Variants in PSD2 observed in about 807,000 individuals in gnomAD.
PSD2 encodes the protein PH and SEC7 domain-containing protein 2.
In PSD2, 38 loss-of-function variants were observed where a neutral mutation model predicts 69.8. The ratio of observed to expected loss-of-function variants is 0.54; its 90% confidence interval spans 0.42 to 0.71. The LOEUF (loss-of-function observed/expected upper bound fraction) is 0.71. PSD2 is among the 30% of genes least tolerant of loss of function. The pLI, the probability that PSD2 is intolerant of heterozygous loss-of-function variation, is 0.00. For synonymous variants in PSD2, 412 were observed against 423.0 expected (o/e 0.97, Z 0.32); for missense variants, 943 against 1,014.5 (o/e 0.93, Z 0.96).
In PSD2 at chr5:139,842,654, C is replaced by T. The variant is rs1417186197; in HGVS notation, c.*180C>T. On this transcript the variant is annotated 3_prime_UTR_variant, in exon 15 of 15. Transcript: ENST00000274710. Reference sequence around the variant, plus strand: ...GTTTGTGGCGTTGATCTCCTTGCGTCCTTGGGCATCTCCGGGCATCAGACC... The same window carrying T: ...GTTTGTGGCGTTGATCTCCTTGCGTTCTTGGGCATCTCCGGGCATCAGACC... The T allele has an allele frequency of 5.0e-6, 3 of 603,120 alleles. No individual in the cohort carries two copies. The highest frequency in any genetic ancestry group is 8.8e-6 in the Non-Finnish European group (3 of 341,838). The allele number at this position is 603,120 out of a possible 1,614,324, so 37.4% of individuals were successfully genotyped here. A position where few individuals can be genotyped will look rare whatever the true frequency, so the allele number is the denominator to read the frequency against.
chr5:139,838,889 C>T (rs750395135), intron 13 of PSD2, 117 bp downstream of exon 13: 26 of 1,136,632 alleles, frequency 2.3e-5, no homozygotes, highest in Non-Finnish European at 3.0e-5. Context: ...GGCTGAAGGA[C>T]ACCAGAGAAG....
Position 139,814,430 on chromosome 5 carries a change from T to A in PSD2, c.1016+66T>A. Reference sequence around the variant, plus strand: ...CGTGTCTTCCTCAACCTGAAGAGGGTGTGGGTGACCTTCTTCAGGGGTGCC... The same window carrying A: ...CGTGTCTTCCTCAACCTGAAGAGGGAGTGGGTGACCTTCTTCAGGGGTGCC... On this transcript the variant is annotated intron_variant, in intron 4 of 14. Transcript: ENST00000274710. This position sits in a 1 kb window ranked among gnomAD's most constrained non-coding sequence, Gnocchi z 4.4. 1 of 1,450,214 alleles carries A rather than the reference T, an allele frequency of 6.9e-7. No homozygotes were observed. Among genetic ancestry groups the A allele is most frequent in the African/African-American group, 1.4e-5 (1 of 69,248 alleles). 89.8% of individuals were successfully genotyped at this position (1,450,214 alleles called of 1,614,324 possible).
At chr5:139,824,749 T>C (rs1760373063) in intron 7 of PSD2, among the ~76,000 whole-genome samples, 1 of 152,130 alleles carries the variant, frequency 6.6e-6, no homozygotes, top group South Asian at 2.1e-4. Flanking sequence ...GAATGTGAAG[T>C]AAAGCTCGTA....
At chr5:139,818,513 T>C (rs1303250544) in intron 5 of PSD2, among the ~76,000 whole-genome samples, 1 of 152,110 alleles carries the variant, frequency 6.6e-6, no homozygotes, top group Non-Finnish European at 1.5e-5. Context: ...ACCACTGCAC[T>C]CCAGCCTGGG....
chr5:139,756,181 C>G, the PSD2 span, among the ~76,000 whole-genome samples: 2 of 152,194 alleles, frequency 1.3e-5, no homozygotes, highest in Non-Finnish European at 2.9e-5. Context: ...TTTCTCCCCC[C>G]TCTTCCTTTT....
At chr5:139,799,264 C>G (rs1759606894) in intron 1 of PSD2, among the ~76,000 whole-genome samples, 1 of 152,136 alleles carries the variant, frequency 6.6e-6, no homozygotes, top group Non-Finnish European at 1.5e-5. Context: ...ATCTGCGCAC[C>G]AGGTCAGCAA....
chr5:139,818,010 A>G (rs1266723238), intron 5 of PSD2, among the ~76,000 whole-genome samples: 4 of 152,258 alleles, frequency 2.6e-5, no homozygotes, highest in East Asian at 3.9e-4. Flanking sequence ...TCTCAACTCT[A>G]TTGGTGTTTG....
At chr5:139,840,263 T>C (rs939781500) in intron 14 of PSD2, 93 bp downstream of exon 14, 3 of 1,393,852 alleles carry the variant, frequency 2.2e-6, no homozygotes, top group African/African-American at 2.9e-5. Context: ...TGAAGCCTAG[T>C]GATAAAGGGG....
At chr5:139,746,758 C>T in the PSD2 span, among the ~76,000 whole-genome samples, 9 of 152,200 alleles carry the variant, frequency 5.9e-5, no homozygotes, top group Admixed American at 1.3e-4. The surrounding 1 kb of genome is among the most constrained non-coding windows in gnomAD (Gnocchi z 4.5). Flanking sequence ...CACGGCTCCC[C>T]AACCCCGCCA....
intron 7 of PSD2, among the ~76,000 whole-genome samples, chr5:139,823,805 G>A (rs1000597659): frequency 1.5e-4 from 23 of 152,162 alleles, no homozygotes; most frequent in African/African-American, 5.3e-4. Context: ...TGTGAAAATC[G>A]AACCAAGGGC....
chr5:139,769,082 G>A, the PSD2 span, among the ~76,000 whole-genome samples: 1 of 152,130 alleles, frequency 6.6e-6, no homozygotes, highest in African/African-American at 2.4e-5. Flanking sequence ...GAGAAGCACA[G>A]GGCCTGTGAC....
the PSD2 span, among the ~76,000 whole-genome samples, chr5:139,781,675 C>G: frequency 1.3e-5 from 2 of 151,068 alleles, no homozygotes; most frequent in Admixed American, 1.3e-4. Flanking sequence ...ACTCTGTTGC[C>G]CAGGCTGGAG....
the PSD2 span, among the ~76,000 whole-genome samples, chr5:139,785,040 T>C: frequency 6.6e-6 from 1 of 152,236 alleles, no homozygotes; most frequent in East Asian, 1.9e-4. Context: ...ATTACAGGCG[T>C]GAGCCACCTC....
chr5:139,800,276 C>T (rs1759639500), intron 1 of PSD2, among the ~76,000 whole-genome samples: 1 of 152,266 alleles, frequency 6.6e-6, no homozygotes, highest in Non-Finnish European at 1.5e-5. Context: ...CTGAATGGGG[C>T]TGAGCAAAAC....
the PSD2 span, among the ~76,000 whole-genome samples, chr5:139,777,286 T>A: frequency 6.6e-6 from 1 of 152,230 alleles, no homozygotes; most frequent in African/African-American, 2.4e-5. Context: ...AAGTAAAAAA[T>A]ATGCACAAGG....
rs79149425 is a variant in PSD2 at position 139,839,661 on chromosome 5, G to A, written c.1969-366G>A. Among the ~76,000 whole-genome samples the A allele has an allele frequency of 0.02, 3,041 of 152,348 alleles. 112 individuals are homozygous for A. The highest frequency in any genetic ancestry group is 0.069 in the African/African-American group (2,854 of 41,566). ...AGCGGGGCCAGGCTGGCCTTGGTCC[G>A]GGGTGTTTGTGTGTGCACATGGGAG... is the stretch of plus-strand genomic sequence containing the variant. On this transcript the variant is annotated intron_variant, in intron 13 of 14. Transcript: ENST00000274710. The surrounding 1 kb of genome is among the most constrained non-coding windows in gnomAD (Gnocchi z 5.1).
the PSD2 span, among the ~76,000 whole-genome samples, chr5:139,786,130 G>A: frequency 2.0e-5 from 3 of 152,036 alleles, no homozygotes; most frequent in South Asian, 2.1e-4. Context: ...CACACCTGTC[G>A]TCCCAGCTCT....
At chr5:139,781,570 C>T in the PSD2 span, among the ~76,000 whole-genome samples, 4 of 151,854 alleles carry the variant, frequency 2.6e-5, no homozygotes, top group Admixed American at 6.6e-5. Flanking sequence ...CTTCTGACCT[C>T]GTGATCCACC....
chr5:139,800,456 C>G (rs1473528105), intron 1 of PSD2, among the ~76,000 whole-genome samples: 11 of 152,050 alleles, frequency 7.2e-5, no homozygotes. Context: ...GAGATGGGGT[C>G]TCACTATGTT....
Sources: allele counts gnomAD v4.1 joint callset (sites outside exome capture counted in the v4.1 genomes callset), GRCh38; gene constraint gnomAD v4.1.1; non-coding constraint Gnocchi (gnomAD v3.1); transcripts MANE v1.5; gene names NCBI Gene and HGNC (gene_info 2026-07-23, HGNC 2026-07-21).